The following RHCE variants were observed in gnomAD, a reference collection of about 807,000 sequenced individuals.
The protein encoded by RHCE is blood group Rh(CE) polypeptide.
A neutral mutation model predicts 43.8 loss-of-function variants in RHCE; 22 were observed. That is an observed-to-expected ratio of 0.50 (90% CI 0.36 to 0.72). The LOEUF is 0.72. RHCE is among the 30% of genes least tolerant of loss of function. The probability of loss-of-function intolerance (pLI) is 0.00; values close to 1 mark genes in which losing one functional copy is unlikely to be tolerated. For missense variants in RHCE, 385 were observed against 525.4 expected, an observed-to-expected ratio of 0.73 and a Z score of 2.61; for synonymous variants, 156 against 210.7, an observed-to-expected ratio of 0.74 and a Z score of 2.25.
At chr1:25,401,601 G>A (rs1376284817) in intron 3 of RHCE, among the ~76,000 whole-genome samples, 2 of 152,174 alleles carry the variant, frequency 1.3e-5, no homozygotes, top group African/African-American at 2.4e-5. Flanking sequence ...TTAGACTTTC[G>A]ACAGGCTCTC....
chr1:25,417,816 C>T (rs184081500), intron 1 of RHCE, among the ~76,000 whole-genome samples: 4 of 152,146 alleles, frequency 2.6e-5, no homozygotes, highest in African/African-American at 7.2e-5. Flanking sequence ...TTGAAGCCCT[C>T]GGGTCAATAC....
intron 7 of RHCE, among the ~76,000 whole-genome samples, chr1:25,380,191 G>C (rs1275566866): frequency 7.1e-6 from 1 of 140,704 alleles, no homozygotes; most frequent in Non-Finnish European, 1.5e-5. Context: ...AAAGGAAAAA[G>C]AGGCAAGGGA....
chr1:25,384,027 T>C (rs1392842426), intron 7 of RHCE, among the ~76,000 whole-genome samples: 1 of 151,608 alleles, frequency 6.6e-6, no homozygotes, highest in African/African-American at 2.4e-5. Context: ...AAGAGAACAC[T>C]TGTGGGGCTT....
intron 1 of RHCE, among the ~76,000 whole-genome samples, chr1:25,411,082 A>C (rs1181781852): frequency 6.6e-6 from 1 of 151,348 alleles, no homozygotes; most frequent in East Asian, 1.9e-4. Flanking sequence ...ACACAGTGAG[A>C]CTCTGTCTCA....
At chr1:25,391,569 C>T (rs946164551) in intron 4 of RHCE, among the ~76,000 whole-genome samples, 4 of 152,130 alleles carry the variant, frequency 2.6e-5, no homozygotes, top group Non-Finnish European at 4.4e-5. Flanking sequence ...TACTATCAAG[C>T]TCACTGCCCG....
rs764930503 is a variant in RHCE at position 25,362,534 on chromosome 1, C to T, written c.1247G>A (p.Gly416Glu). The T allele has an allele frequency of 6.9e-6, 11 of 1,591,690 alleles. No individual in the cohort carries two copies. The highest frequency in any genetic ancestry group is 3.4e-5 in the Admixed American group (2 of 58,994). ...VFWKFPHLAV[G>E]F is the part of the protein sequence containing the mutation. ...TTTCTTGGATGCTTTTGCTTAAAATCCAACAGCCAAATGAGGAAACTGTAA... is the reference window on the plus strand; with the variant it reads ...TTTCTTGGATGCTTTTGCTTAAAATTCAACAGCCAAATGAGGAAACTGTAA... The change falls in exon 10 of 10, where the codon GGA becomes GAA. Residue 416 changes from glycine (G) to glutamate (E), a missense_variant. This residue lies in a region of RHCE where 26 missense variants were observed against 37.1 expected (regional missense o/e 0.70). Transcript: ENST00000294413.
chr1:25,422,460 T>A (rs1423058291), upstream of RHCE, among the ~76,000 whole-genome samples: 1 of 152,232 alleles, frequency 6.6e-6, no homozygotes, highest in African/African-American at 2.4e-5. Context: ...TTAATTTTGC[T>A]TTATACATTT....
chr1:25,382,714 G>C (rs981390917), intron 7 of RHCE, among the ~76,000 whole-genome samples: 4 of 152,116 alleles, frequency 2.6e-5, no homozygotes, highest in African/African-American at 9.7e-5. Flanking sequence ...AGTGAACCAA[G>C]AATTCCAATG....
upstream of RHCE, among the ~76,000 whole-genome samples, chr1:25,421,426 T>C (rs960678924): frequency 2.6e-5 from 4 of 151,918 alleles, no homozygotes; most frequent in African/African-American, 9.7e-5. Context: ...TAAGGGGGGG[T>C]GGCAGAAGAG....
At chr1:25,400,258 G>C (rs529757128) in intron 3 of RHCE, among the ~76,000 whole-genome samples, 26 of 152,350 alleles carry the variant, frequency 1.7e-4, no homozygotes, top group African/African-American at 5.8e-4. Context: ...TCTTGAATCA[G>C]TCAAGCCAGG....
chr1:25,372,156 T>G (rs374102492), intron 8 of RHCE, among the ~76,000 whole-genome samples: 11 of 151,778 alleles, frequency 7.2e-5, no homozygotes, highest in East Asian at 3.9e-4. Flanking sequence ...TGGAAAAGGT[T>G]TGTAGCCGTG....
intron 1 of RHCE, among the ~76,000 whole-genome samples, chr1:25,411,852 T>C (rs1364989763): frequency 2.6e-5 from 4 of 152,230 alleles, no homozygotes; most frequent in Non-Finnish European, 4.4e-5. Context: ...ACTTCAGATA[T>C]GCAAATCCAA....
At chr1:25,383,467 G>T (rs952651248) in intron 7 of RHCE, among the ~76,000 whole-genome samples, 5 of 152,020 alleles carry the variant, frequency 3.3e-5, no homozygotes, top group Admixed American at 6.6e-5. Flanking sequence ...TAAAGAACGG[G>T]GCTATGTTCT....
Position 25,420,664 on chromosome 1 carries a change from T to C in RHCE, c.123A>G (p.Gln41=), listed in dbSNP as rs2042744006. The part of the protein sequence containing the change: ...FTHYDASLED[Q]KGLVASYQVG... ...CTTGATAGGATGCCACGAGCCCCTT[T>C]TGATCCTCTAAGGAAGCGTCATAGT... Residue 41 remains glutamine (Q), a synonymous_variant, in exon 1 of 10, where the codon CAA becomes CAG. Coordinates refer to ENST00000294413, the MANE Select transcript of RHCE (RefSeq NM_020485.8). 1.2e-6 allele frequency: 2 copies of C among 1,613,726 alleles called. No homozygotes were observed. The highest frequency in any genetic ancestry group is 1.1e-5 in the South Asian group (1 of 91,078).
At chr1:25,401,189 T>TG (rs1646728412) in intron 3 of RHCE, among the ~76,000 whole-genome samples, 1 of 152,240 alleles carries the variant, frequency 6.6e-6, no homozygotes. Flanking sequence ...TGCTTTTTTT[T>TG]GTAAACGTGC....
chr1:25,369,268 T>G (rs925411706), intron 9 of RHCE, among the ~76,000 whole-genome samples: 3 of 151,404 alleles, frequency 2.0e-5, no homozygotes, highest in Non-Finnish European at 2.9e-5. Flanking sequence ...GGATGCTGGG[T>G]GGGGCAAGCA....
At chr1:25,368,837 T>G (rs1645511697) in intron 9 of RHCE, among the ~76,000 whole-genome samples, 1 of 151,666 alleles carries the variant, frequency 6.6e-6, no homozygotes, top group Non-Finnish European at 1.5e-5. Context: ...CTCAGATCAC[T>G]GCAAACTTCG....
chr1:25,411,038 G>A (rs1172809856), intron 1 of RHCE, among the ~76,000 whole-genome samples: 1 of 152,022 alleles, frequency 6.6e-6, no homozygotes, highest in Non-Finnish European at 1.5e-5. Context: ...GTTGCAGTGA[G>A]CTGAGACCGC....
intron 8 of RHCE, among the ~76,000 whole-genome samples, chr1:25,374,080 C>T (rs1220089531): frequency 6.6e-6 from 1 of 151,048 alleles, no homozygotes; most frequent in Non-Finnish European, 1.5e-5. Flanking sequence ...CTCAGCCTCC[C>T]AAAGTGCTGG....
Sources: gnomAD v4.1 joint callset for allele counts (sites outside exome capture counted in the v4.1 genomes callset) on GRCh38, gnomAD v4.1.1 for gene constraint, gnomAD v4.1.1 regional missense constraint, MANE v1.5 for transcripts, NCBI Gene and HGNC (gene_info 2026-07-23, HGNC 2026-07-21) for gene names.